Variants in ARFGEF3 observed in about 807,000 individuals in gnomAD.
ARFGEF3 encodes brefeldin A-inhibited guanine nucleotide-exchange protein 3.
ARFGEF3 carries 96 observed loss-of-function variants against 221.7 expected under a neutral mutation model. The ratio of observed to expected loss-of-function variants is 0.43; its 90% CI spans 0.37 to 0.51. The LOEUF is 0.51. ARFGEF3 is among the 20% of genes least tolerant of loss of function. The pLI is 0.00. For missense variants in ARFGEF3, 2,410 were observed against 2,789.9 expected, an observed-to-expected ratio of 0.86 and a Z score of 3.07; for synonymous variants, 1,145 against 1,126.8, an observed-to-expected ratio of 1.02 and a Z score of -0.32.
intron 8 of ARFGEF3, among the ~76,000 whole-genome samples, chr6:138,247,627 G>C (rs919417394): frequency 6.6e-6 from 1 of 152,148 alleles, no homozygotes; most frequent in Non-Finnish European, 1.5e-5. Flanking sequence ...ATCTTTGTTG[G>C]ATTACCTGGG....
At position 138,343,343 on chromosome 6, in the gene ARFGEF3, G is replaced by A. The variant is rs568486393; in HGVS notation, c.*6857G>A. 2 of 152,214 alleles carry A rather than the reference G, an allele frequency of 1.3e-5. No individual in the cohort carries two copies. The highest frequency in any genetic ancestry group is 4.2e-4 in the South Asian group (2 of 4,816). The allele number at this position is 152,214 out of a possible 1,614,324, so 9.4% of individuals were successfully genotyped here. ...ATTAGTTTAGACTATTGTAGGAATG[G>A]AAGGAAATGATTATATTTACTAGAA... is the stretch of plus-strand genomic sequence containing the variant. On this transcript the variant is annotated 3_prime_UTR_variant, in exon 34 of 34. Coordinates refer to ENST00000251691, the MANE Select transcript of ARFGEF3 (RefSeq NM_020340.5).
At chr6:138,310,314 A>G (rs1779802690) in intron 24 of ARFGEF3, among the ~76,000 whole-genome samples, 1 of 152,218 alleles carries the variant, frequency 6.6e-6, no homozygotes, top group Non-Finnish European at 1.5e-5. Context: ...CTGTGTTTTT[A>G]TATTATAAAA....
chr6:138,296,369 C>T (rs9402967), intron 20 of ARFGEF3, among the ~76,000 whole-genome samples: 21,316 of 152,116 alleles, frequency 0.14, 1,946 homozygotes, highest in East Asian at 0.45. Flanking sequence ...GCACTTTATG[C>T]GTATTATCAC....
intron 8 of ARFGEF3, among the ~76,000 whole-genome samples, chr6:138,253,342 T>G (rs1214007779): frequency 6.6e-6 from 1 of 152,144 alleles, no homozygotes; most frequent in African/African-American, 2.4e-5. Context: ...CCAACTGTAT[T>G]ATCTTGCTGA....
Position 138,286,856 on chromosome 6 carries a change from G to T in ARFGEF3, c.2725G>T (p.Asp909Tyr), listed in dbSNP as rs909572947. ...GIKEQNQKER[D>Y]AICMSLDGLR... Reference sequence around the variant, plus strand: ...CAAAGAGCAGAACCAGAAGGAGCGGGACGCCATCTGCATGAGCCTCGACGG... The same window carrying T: ...CAAAGAGCAGAACCAGAAGGAGCGGTACGCCATCTGCATGAGCCTCGACGG... The change falls in exon 16 of 34, where the codon GAC (aspartate) becomes TAC (tyrosine). Residue 909 changes from aspartate (D) to tyrosine (Y), a missense_variant. This residue lies in a region of ARFGEF3 where 594 missense variants were observed against 734.3 expected (regional missense o/e 0.81). Transcript: ENST00000251691. The T allele has an allele frequency of 1.9e-6, 3 of 1,613,918 alleles. No individual in the cohort carries two copies. Among genetic ancestry groups the T allele is most frequent in the Non-Finnish European group, 1.7e-6 (2 of 1,179,912 alleles).
At chr6:138,249,824 G>A (rs1778547884) in intron 8 of ARFGEF3, among the ~76,000 whole-genome samples, 1 of 152,078 alleles carries the variant, frequency 6.6e-6, no homozygotes, top group African/African-American at 2.4e-5. Flanking sequence ...GTATGATTTT[G>A]GTATTTGCCA....
chr6:138,321,953 A>T (rs777081577), intron 29 of ARFGEF3, among the ~76,000 whole-genome samples: 6 of 152,196 alleles, frequency 3.9e-5, no homozygotes, highest in Non-Finnish European at 7.3e-5. Flanking sequence ...AGGAGGAGCA[A>T]GTCACATCTT....
rs759949447 is a variant in ARFGEF3 at position 138,215,154 on chromosome 6, C to T, written c.351+5113C>T. On this transcript the variant is annotated intron_variant, in intron 4 of 33. Coordinates refer to ENST00000251691, the MANE Select transcript of ARFGEF3 (RefSeq NM_020340.5). Reference sequence around the variant, plus strand: ...TGTACGGATCTAATGACTTCTCTGACGAGAGTAGTTAGGACTTGTTTCCCT... The same window carrying T: ...TGTACGGATCTAATGACTTCTCTGATGAGAGTAGTTAGGACTTGTTTCCCT... 1.7e-4 allele frequency among the ~76,000 whole-genome samples: 26 copies of T among 152,264 alleles called. No individual in the cohort carries two copies. In the East Asian group the frequency reaches 2.3e-3, roughly 14 times the overall value.
chr6:138,193,633 T>C (rs1380487521), intron 2 of ARFGEF3, among the ~76,000 whole-genome samples: 11 of 152,326 alleles, frequency 7.2e-5, no homozygotes, highest in Admixed American at 3.9e-4. Context: ...GTTCTGACTG[T>C]TGTGTTAACT....
At position 138,323,901 on chromosome 6, in the gene ARFGEF3, A is replaced by T. The variant is rs1780080715; in HGVS notation, c.4870-122A>T. 3 of 1,542,656 alleles carry T rather than the reference A, an allele frequency of 1.9e-6. No individual in the cohort carries two copies. The African/African-American group carries it at 4.1e-5, about 21-fold the overall frequency. On this transcript the variant is annotated intron_variant, in intron 30 of 33. Coordinates refer to ENST00000251691, the MANE Select transcript of ARFGEF3 (RefSeq NM_020340.5). ...CAGTCTCACTTTAGATCTTGCAGAG[A>T]GTGAGAAAGAAGTTGCTGGGTCAGT...
At chr6:138,210,893 T>C (rs537352712) in intron 4 of ARFGEF3, among the ~76,000 whole-genome samples, 1 of 152,328 alleles carries the variant, frequency 6.6e-6, no homozygotes, top group East Asian at 1.9e-4. Flanking sequence ...AGTTTCTCCA[T>C]TCAGAAAAGA....
chr6:138,317,049 G>A (rs1243401170), intron 26 of ARFGEF3, among the ~76,000 whole-genome samples: 3 of 152,224 alleles, frequency 2.0e-5, no homozygotes, highest in African/African-American at 4.8e-5. Context: ...GGAAATGTGA[G>A]CAGTATTTTT....
chr6:138,214,874 A>T (rs1195576624), intron 4 of ARFGEF3, among the ~76,000 whole-genome samples: 1 of 152,224 alleles, frequency 6.6e-6, no homozygotes, highest in African/African-American at 2.4e-5. Context: ...TGGTTTTACT[A>T]TTTAACAGGA....
At chr6:138,313,715 A>T in intron 25 of ARFGEF3, 80 bp from the exon 26 acceptor site, 1 of 1,177,148 alleles carries the variant, frequency 8.5e-7, no homozygotes, top group Non-Finnish European at 1.2e-6. Flanking sequence ...GTACTAGTGT[A>T]TAATTTCATT....
intron 24 of ARFGEF3, 37 bp downstream of exon 24, chr6:138,308,898 G>T (rs779264650): frequency 1.2e-6 from 2 of 1,613,366 alleles, no homozygotes; most frequent in South Asian, 2.2e-5. Flanking sequence ...TGTAACTGCT[G>T]AGGACCCTTT....
At chr6:138,224,163 T>A (rs1366770174) in intron 4 of ARFGEF3, among the ~76,000 whole-genome samples, 1 of 152,162 alleles carries the variant, frequency 6.6e-6, no homozygotes, top group Non-Finnish European at 1.5e-5. Context: ...TTGATAGAAA[T>A]GAGCTCTTCA....
At chr6:138,317,493 G>A in intron 27 of ARFGEF3, 114 bp downstream of exon 27, 1 of 1,278,324 alleles carries the variant, frequency 7.8e-7, no homozygotes, top group African/African-American at 1.5e-5. Flanking sequence ...TTAGTACAAA[G>A]CTCACACGTA....
intron 9 of ARFGEF3, 77 bp downstream of exon 9, chr6:138,254,061 C>T: frequency 1.2e-6 from 1 of 863,000 alleles, no homozygotes; most frequent in Non-Finnish European, 1.8e-6. Flanking sequence ...GGGTCCCTCT[C>T]CATGAAGTCC....
At chr6:138,189,340 T>C (rs1777250104) in intron 2 of ARFGEF3, among the ~76,000 whole-genome samples, 1 of 152,200 alleles carries the variant, frequency 6.6e-6, no homozygotes. Flanking sequence ...ACTTGAACCA[T>C]GCGGAAGGTT....
Sources: allele counts gnomAD v4.1 joint callset (sites outside exome capture counted in the v4.1 genomes callset), GRCh38; gene constraint gnomAD v4.1.1; regional missense constraint gnomAD v4.1.1; transcripts MANE v1.5; gene names NCBI Gene and HGNC (gene_info 2026-07-23, HGNC 2026-07-21).